The following CHD1 variants were observed in gnomAD, a reference collection of about 807,000 sequenced individuals.
CHD1 encodes the protein chromodomain helicase DNA binding protein 1.
A neutral mutation model predicts 224.2 loss-of-function variants in CHD1; 36 were observed. The observed-to-expected ratio is 0.16, with a 90% confidence interval of 0.12 to 0.21. The LOEUF (loss-of-function observed/expected upper bound fraction) is 0.21. CHD1 is among the 10% of genes least tolerant of loss of function. The probability of loss-of-function intolerance (pLI) is 1.00; values close to 1 mark genes in which losing one functional copy is unlikely to be tolerated. For synonymous variants in CHD1, 668 were observed against 658.3 expected (o/e 1.01, Z -0.23); for missense variants, 1,378 against 1,994.8 (o/e 0.69, Z 5.89).
intron 2 of CHD1, among the ~76,000 whole-genome samples, chr5:98,910,688 T>C (rs13160512): frequency 1.2e-4 from 18 of 152,144 alleles, no homozygotes; most frequent in Admixed American, 1.2e-3. Context: ...CAAATAATCA[T>C]TAACATATTT....
chr5:98,920,961 C>T (rs892254662), intron 2 of CHD1, among the ~76,000 whole-genome samples: 2 of 151,994 alleles, frequency 1.3e-5, no homozygotes, highest in Non-Finnish European at 2.9e-5. Flanking sequence ...CAATGTGGCA[C>T]TCTGGATTTA....
Position 98,926,507 on chromosome 5 carries a change from G to C in CHD1, c.-121C>G. On this transcript the variant is annotated 5_prime_UTR_variant, in exon 2 of 36. Coordinates refer to ENST00000614616, the MANE Select transcript of CHD1 (RefSeq NM_001270.4). ...AGATGAATTTTCTTCAACAGTCACA[G>C]GTTTTCTGGGACTCTCCTTTGATTC... 5 of 472,872 alleles carry C rather than the reference G, an allele frequency of 1.1e-5. No homozygotes were observed. Among genetic ancestry groups the C allele is most frequent in the Non-Finnish European group, 1.8e-5 (5 of 276,228 alleles). The allele number at this position is 472,872 out of a possible 1,614,324, so 29.3% of individuals were successfully genotyped here.
intron 23 of CHD1, among the ~76,000 whole-genome samples, chr5:98,877,421 T>C (rs193035874): frequency 1.2e-3 from 181 of 152,356 alleles, no homozygotes; most frequent in Non-Finnish European, 2.0e-3. Context: ...GATGAACAGA[T>C]TGATTAGCTG....
At chr5:98,871,594 A>G (rs892307814) in intron 28 of CHD1, among the ~76,000 whole-genome samples, 34 of 152,186 alleles carry the variant, frequency 2.2e-4, no homozygotes, top group African/African-American at 7.7e-4. Context: ...GACTACAGTT[A>G]GCAATAATCT....
At chr5:98,895,991 G>A (rs1239462581) in intron 12 of CHD1, among the ~76,000 whole-genome samples, 3 of 152,090 alleles carry the variant, frequency 2.0e-5, no homozygotes, top group African/African-American at 4.8e-5. Context: ...CAGATCACTT[G>A]AGCTCAGTTC....
chr5:98,872,379 T>C (rs768535248), intron 27 of CHD1, 38 bp downstream of exon 27: 34 of 1,583,482 alleles, frequency 2.1e-5, no homozygotes, highest in Non-Finnish European at 2.7e-5. Flanking sequence ...AATTATTGAA[T>C]AACAAAAATC....
intron 1 of CHD1, among the ~76,000 whole-genome samples, chr5:98,927,206 T>A (rs1364111294): frequency 6.6e-6 from 1 of 152,234 alleles, no homozygotes; most frequent in East Asian, 1.9e-4. Flanking sequence ...TATATCTGAT[T>A]TTTTACGTAA....
At chr5:98,877,233 T>C (rs111861221) in intron 23 of CHD1, among the ~76,000 whole-genome samples, 2 of 152,156 alleles carry the variant, frequency 1.3e-5, no homozygotes, top group African/African-American at 4.8e-5. Context: ...ATCTATACGA[T>C]AGAATGCTGA....
chr5:98,858,438 CA>C (rs763967409), intron 34 of CHD1, 48 bp from the exon 35 acceptor site: 39 of 1,473,308 alleles, frequency 2.6e-5, no homozygotes, highest in South Asian at 3.6e-5. Flanking sequence ...AATAATGTGG[CA>C]AAAAAAACTT....
rs748483198 is a variant in CHD1 at position 98,869,788 on chromosome 5, AGAG to A, written c.4070_4072del (p.Pro1357del). The A allele has an allele frequency of 4.8e-5, 78 of 1,613,274 alleles. No individual in the cohort carries two copies. Among genetic ancestry groups the A allele is most frequent in the Middle Eastern group, 1.7e-4 (1 of 6,052 alleles). On this transcript the variant is annotated inframe_deletion, in exon 30 of 36. Transcript: ENST00000614616. Reference sequence around the variant, plus strand: ...ATCTTCATCAGACTTCTCTGAAGGCAGAGGAGAAGAATCACTCTTTATTTCCTC... The same window carrying A: ...ATCTTCATCAGACTTCTCTGAAGGCAGAGAAGAATCACTCTTTATTTCCTC...
intron 16 of CHD1, 62 bp from the exon 17 acceptor site, chr5:98,888,302 C>T: frequency 8.8e-7 from 1 of 1,130,500 alleles, no homozygotes; most frequent in Non-Finnish European, 1.2e-6. Flanking sequence ...GTCCACGTAA[C>T]ACTTTAGTTG....
chr5:98,888,567 TA>T (rs1750803461), intron 16 of CHD1, among the ~76,000 whole-genome samples: 1 of 152,150 alleles, frequency 6.6e-6, no homozygotes, highest in Non-Finnish European at 1.5e-5. Context: ...CAGCAGCAAC[TA>T]AGCAACCAAA....
chr5:98,897,375 TA>T, intron 10 of CHD1, 55 bp from the exon 11 acceptor site: 1 of 1,269,170 alleles, frequency 7.9e-7, no homozygotes, highest in Non-Finnish European at 1.1e-6. Context: ...GAAATTATAC[TA>T]AAAGATGAAA....
chr5:98,901,117 T>A, intron 6 of CHD1, 35 bp from the exon 7 acceptor site: 1 of 1,567,396 alleles, frequency 6.4e-7, no homozygotes, highest in Non-Finnish European at 8.6e-7. Flanking sequence ...AAACAAGATT[T>A]GAGAAACTAT....
rs566174065 is a variant in CHD1 at position 98,918,127 on chromosome 5, G to A, written c.53+8207C>T. Among the ~76,000 whole-genome samples, 599 of 150,736 alleles carry A rather than the reference G, an allele frequency of 4.0e-3. 5 individuals are homozygous for A. The highest frequency in any genetic ancestry group is 0.014 in the African/African-American group (569 of 41,072). On this transcript the variant is annotated intron_variant, in intron 2 of 35. Transcript: ENST00000614616. ...GGCTGGAGTGCCGTGGCACGATCTCGGCTCACTGCAAGCTCTGCCTCCTGG... is the reference window on the plus strand; with the variant it reads ...GGCTGGAGTGCCGTGGCACGATCTCAGCTCACTGCAAGCTCTGCCTCCTGG...
chr5:98,883,910 T>C (rs1390181463), intron 18 of CHD1: 4 of 126,534 alleles, frequency 3.2e-5, no homozygotes, highest in Non-Finnish European at 4.1e-5. Flanking sequence ...CTTTTTATCT[T>C]GGCTCACTGC....
chr5:98,897,236 A>C lies in CHD1; in HGVS notation c.1450T>G (p.Tyr484Asp). Residue 484 changes from tyrosine (Y) to aspartate (D), a missense_variant, in exon 11 of 36, where the codon TAT becomes GAT. By Grantham distance (160) the Tyr-to-Asp change is radical (BLOSUM62 -3). This residue lies in a region of CHD1 where 86 missense variants were observed against 97.7 expected (regional missense o/e 0.88). Coordinates refer to ENST00000614616, the MANE Select transcript of CHD1 (RefSeq NM_001270.4). ...AGCCAATTTAAACCATTCAGTTGAT[A>C]ATCTCTTAATTCTAAGCCCTCATGT... Reference protein sequence around the residue: ...GGHEGLELRDYQLNGLNWLAH... With the variant: ...GGHEGLELRDDQLNGLNWLAH... 1 of 1,612,710 alleles carries C rather than the reference A, an allele frequency of 6.2e-7. No homozygotes were observed. Among genetic ancestry groups the C allele is most frequent in the Non-Finnish European group, 8.5e-7 (1 of 1,179,130 alleles).
At chr5:98,883,356 C>A (rs1750338502) in intron 18 of CHD1, 119 bp from the exon 19 acceptor site, 1 of 523,846 alleles carries the variant, frequency 1.9e-6, no homozygotes, top group Non-Finnish European at 3.3e-6. Context: ...CTAGCAAGAC[C>A]AATCAACAAA....
chr5:98,906,166 G>C (rs1051736332), intron 2 of CHD1, among the ~76,000 whole-genome samples: 1 of 152,154 alleles, frequency 6.6e-6, no homozygotes, highest in African/African-American at 2.4e-5. Context: ...GAAGAATTTT[G>C]ATTCTACAGG....
Sources: allele counts gnomAD v4.1 joint callset (sites outside exome capture counted in the v4.1 genomes callset), GRCh38; gene constraint gnomAD v4.1.1; regional missense constraint gnomAD v4.1.1; transcripts MANE v1.5; gene names NCBI Gene and HGNC (gene_info 2026-07-23, HGNC 2026-07-21).